Variants in PROCR observed in about 807,000 individuals in gnomAD.
PROCR encodes endothelial protein C receptor.
A neutral mutation model predicts 24.2 loss-of-function variants in PROCR; 22 were observed. The observed-to-expected ratio is 0.91, with a 90% CI of 0.65 to 1.30. The LOEUF (loss-of-function observed/expected upper bound fraction) is 1.30, where lower values mean the gene tolerates loss of function less well. Among genes scored for constraint, PROCR ranks in the 50% most tolerant of loss-of-function variants. The probability of loss-of-function intolerance (pLI) is 0.00; values close to 1 mark genes in which losing one functional copy is unlikely to be tolerated. For missense variants in PROCR, 288 were observed against 307.7 expected, an observed-to-expected ratio of 0.94 and a Z score of 0.48; for synonymous variants, 137 against 139.2, an observed-to-expected ratio of 0.98 and a Z score of 0.11.
Position 35,172,185 on chromosome 20 carries a change from C to CT in PROCR, c.32dup (p.Ser12ValfsTer7). ...GACAACATTGCTGCCGATACTGCTG[C>CT]TGTCTGGCTGGGCCTTTTGTAGCCA... On this transcript the variant is annotated frameshift_variant, in exon 1 of 4. Transcript: ENST00000216968. LOFTEE classifies it high-confidence loss of function. The CT allele has an allele frequency of 6.2e-7, 1 of 1,614,206 alleles. No homozygotes were observed. Among genetic ancestry groups the CT allele is most frequent in the Non-Finnish European group, 8.5e-7 (1 of 1,180,040 alleles).
intron 1 of PROCR, among the ~76,000 whole-genome samples, chr20:35,192,363 G>A (rs548454901): frequency 3.6e-4 from 54 of 152,024 alleles, no homozygotes; most frequent in Admixed American, 1.6e-3. Context: ...AACTTGAGTG[G>A]GGCAGCTGGC....
At chr20:35,189,520 G>A (rs1044070354) in intron 1 of PROCR, among the ~76,000 whole-genome samples, 1 of 152,106 alleles carries the variant, frequency 6.6e-6, no homozygotes. Context: ...ATCTCGCCCT[G>A]ACCTTCTGCC....
intron 2 of PROCR, among the ~76,000 whole-genome samples, 164 bp downstream of exon 2, chr20:35,175,117 G>A (rs1349777764): frequency 6.6e-6 from 1 of 151,894 alleles, no homozygotes; most frequent in Non-Finnish European, 1.5e-5. Flanking sequence ...GCTGGGTGGG[G>A]GCTGGAGAGA....
Position 35,177,333 on chromosome 20 carries a change from A to G in PROCR, c.*520A>G. 1.0e-6 allele frequency: 1 copy of G among 980,634 alleles called. No individual in the cohort carries two copies. The highest frequency in any genetic ancestry group is 1.2e-6 in the Non-Finnish European group (1 of 825,590). The allele number at this position is 980,634 out of a possible 1,614,324, so 60.7% of individuals were successfully genotyped here. On this transcript the variant is annotated 3_prime_UTR_variant, in exon 4 of 4. Coordinates refer to ENST00000216968, the MANE Select transcript of PROCR (RefSeq NM_006404.5). ...AGTGATCAATTATTAATCAATTAATAATATTAATAAATTTCTTATATTTAA... is the reference window on the plus strand; with the variant it reads ...AGTGATCAATTATTAATCAATTAATGATATTAATAAATTTCTTATATTTAA...
At chr20:35,193,771 T>C (rs2086193406) in intron 1 of PROCR, among the ~76,000 whole-genome samples, 1 of 152,194 alleles carries the variant, frequency 6.6e-6, no homozygotes, top group African/African-American at 2.4e-5. Flanking sequence ...TAGAATGCAG[T>C]TGGTATACAA....
In PROCR at chr20:35,176,397, C is replaced by T. The variant is rs777217555; in HGVS notation, c.552C>T (p.Asp184=). The change falls in exon 3 of 4, where the codon GAC becomes GAT. Residue 184 remains aspartate (D), a synonymous_variant. Transcript: ENST00000216968. ...TRYELREFLE[D]TCVQYVQKHI... ...ATGAACTGCGGGAATTCCTGGAGGACACCTGTGTGCAGTATGTGCAGAAAC... is the reference window on the plus strand; with the variant it reads ...ATGAACTGCGGGAATTCCTGGAGGATACCTGTGTGCAGTATGTGCAGAAAC... 2.2e-5 allele frequency: 35 copies of T among 1,614,104 alleles called. No individual in the cohort carries two copies. Among genetic ancestry groups the T allele is most frequent in the Non-Finnish European group, 2.6e-5 (31 of 1,180,056 alleles).
intron 1 of PROCR, among the ~76,000 whole-genome samples, chr20:35,208,925 T>C (rs944092608): frequency 6.6e-6 from 1 of 151,278 alleles, no homozygotes; most frequent in Non-Finnish European, 1.5e-5. Context: ...TGAGCCGAGA[T>C]CACACCACTG....
Sources: allele counts gnomAD v4.1 joint callset (sites outside exome capture counted in the v4.1 genomes callset), GRCh38; gene constraint gnomAD v4.1.1; transcripts MANE v1.5; gene names NCBI Gene and HGNC (gene_info 2026-07-23, HGNC 2026-07-21).